GLRB: variants seen among roughly 807,000 people sequenced by gnomAD.
The protein encoded by GLRB is glycine receptor subunit beta.
In GLRB, 33 loss-of-function variants were observed where a neutral mutation model predicts 54.2. The observed-to-expected ratio is 0.61, with a 90% confidence interval of 0.46 to 0.81. The LOEUF (loss-of-function observed/expected upper bound fraction) is 0.81. Among genes scored for constraint, GLRB ranks in the 40% least tolerant of loss-of-function variants. GLRB has a pLI of 0.00. For missense variants in GLRB, 572 were observed against 584.6 expected, an observed-to-expected ratio of 0.98 and a Z score of 0.22; for synonymous variants, 209 against 208.2, an observed-to-expected ratio of 1.00 and a Z score of -0.03.
Position 157,170,797 on chromosome 4 carries a change from T to C in GLRB, c.*69T>C, listed in dbSNP as rs1737894775. The C allele has an allele frequency of 1.1e-6, 1 of 902,278 alleles. No homozygotes were observed. Among genetic ancestry groups the C allele is most frequent in the African/African-American group, 1.7e-5 (1 of 59,858 alleles). The allele number at this position is 902,278 out of a possible 1,614,324, so 55.9% of individuals were successfully genotyped here. ...GACCTACTCCTTTCATAAATGCCAA[T>C]CTGTGAGAACTTTTGAATTTTCATA... On this transcript the variant is annotated 3_prime_UTR_variant, in exon 10 of 10. Transcript: ENST00000264428.
intron 6 of GLRB, among the ~76,000 whole-genome samples, chr4:157,138,134 C>T (rs1229646281): frequency 1.3e-5 from 2 of 152,252 alleles, no homozygotes; most frequent in Non-Finnish European, 2.9e-5. Context: ...TACAGTGGTG[C>T]GATCTCAGCT....
intron 7 of GLRB, among the ~76,000 whole-genome samples, chr4:157,139,763 T>G (rs1425624551): frequency 6.6e-6 from 1 of 151,996 alleles, no homozygotes; most frequent in Non-Finnish European, 1.5e-5. Flanking sequence ...CCTTTGGAAG[T>G]AAATCATAAC....
chr4:157,112,105 T>C (rs1318032855), intron 2 of GLRB, among the ~76,000 whole-genome samples: 4 of 151,812 alleles, frequency 2.6e-5, no homozygotes, highest in African/African-American at 9.7e-5. Flanking sequence ...AACTCTCTTT[T>C]CAAACAAGTG....
chr4:157,076,808 G>C (rs934455445), intron 1 of GLRB, among the ~76,000 whole-genome samples: 4 of 151,948 alleles, frequency 2.6e-5, no homozygotes, highest in Non-Finnish European at 5.9e-5. Context: ...TGTCGGATGG[G>C]GGAAGGGAGC....
chr4:157,125,747 G>A (rs184011006), intron 4 of GLRB, among the ~76,000 whole-genome samples: 24 of 151,622 alleles, frequency 1.6e-4, no homozygotes, highest in East Asian at 9.8e-4. Context: ...CAGCCTGGCC[G>A]ACACTGTGAA....
chr4:157,105,217 C>T (rs1020323924), intron 2 of GLRB, among the ~76,000 whole-genome samples: 1 of 150,992 alleles, frequency 6.6e-6, no homozygotes, highest in Non-Finnish European at 1.5e-5. Context: ...TTTTTGCATC[C>T]CATGTTTTAG....
At chr4:157,135,629 T>G (rs1420628115) in intron 4 of GLRB, among the ~76,000 whole-genome samples, 1 of 152,124 alleles carries the variant, frequency 6.6e-6, no homozygotes, top group Non-Finnish European at 1.5e-5. Flanking sequence ...ATTTGAACTG[T>G]GAGTCAATTA....
intron 4 of GLRB, among the ~76,000 whole-genome samples, chr4:157,127,450 A>C (rs17035703): frequency 0.024 from 3,587 of 151,922 alleles, 58 homozygotes; most frequent in Non-Finnish European, 0.037. Context: ...TTCATGTCAT[A>C]ATCACCAGTA....
At chr4:157,117,179 C>G (rs1244460757) in intron 2 of GLRB, among the ~76,000 whole-genome samples, 2 of 151,680 alleles carry the variant, frequency 1.3e-5, no homozygotes, top group African/African-American at 4.8e-5. Flanking sequence ...AGGTAAAATA[C>G]ATATGCCCTA....
intron 6 of GLRB, among the ~76,000 whole-genome samples, chr4:157,137,999 C>T: frequency 6.6e-6 from 1 of 152,078 alleles, no homozygotes; most frequent in East Asian, 1.9e-4. Context: ...AATTATGTCC[C>T]TTTGAGGGAT....
chr4:157,088,430 T>G (rs989645633), intron 2 of GLRB, among the ~76,000 whole-genome samples: 1 of 152,184 alleles, frequency 6.6e-6, no homozygotes, highest in Non-Finnish European at 1.5e-5. Context: ...GAATCTTGGT[T>G]GATTTATTTT....
Position 157,170,457 on chromosome 4 carries a change from T to G in GLRB, c.1223T>G (p.Val408Gly). The change falls in exon 10 of 10, where the codon GTT (valine) becomes GGT (glycine). Residue 408 changes from valine (V) to glycine (G), a missense_variant. By Grantham distance (109) the Val-to-Gly change is moderately radical. Transcript: ENST00000264428. ...LQVGETRCKKVCTSKSDLRSN... is the reference protein window; with the variant it reads ...LQVGETRCKKGCTSKSDLRSN... ...GTTGGTGAGACCAGATGCAAAAAAG[T>G]TTGTACTTCTAAGTCTGATCTGAGA... is the stretch of plus-strand genomic sequence containing the variant. The G allele has an allele frequency of 3.1e-6, 5 of 1,607,378 alleles. No homozygotes were observed. The highest frequency in any genetic ancestry group is 4.3e-6 in the Non-Finnish European group (5 of 1,174,280).
Position 157,136,385 on chromosome 4 carries a change from G to A in GLRB, c.298-84G>A, listed in dbSNP as rs572433911. Reference sequence around the variant, plus strand: ...AAAAATATTTGTGCCACTAATCATTGTAACCCTTTTTGTTTTGGGGCCGAA... The same window carrying A: ...AAAAATATTTGTGCCACTAATCATTATAACCCTTTTTGTTTTGGGGCCGAA... On this transcript the variant is annotated intron_variant, in intron 4 of 9. Transcript: ENST00000264428. The A allele has an allele frequency of 1.0e-4, 82 of 786,296 alleles. No individual in the cohort carries two copies. The South Asian group carries it at 1.1e-3, about 11-fold the overall frequency. The allele number at this position is 786,296 out of a possible 1,614,324, so 48.7% of individuals were successfully genotyped here.
chr4:157,108,469 A>C (rs953542349), intron 2 of GLRB, among the ~76,000 whole-genome samples: 1 of 152,124 alleles, frequency 6.6e-6, no homozygotes, highest in Non-Finnish European at 1.5e-5. Flanking sequence ...GAGTAGTTCA[A>C]AACTTCAGTG....
chr4:157,167,394 G>A (rs947539343), intron 9 of GLRB, among the ~76,000 whole-genome samples: 5 of 152,182 alleles, frequency 3.3e-5, no homozygotes, highest in Non-Finnish European at 7.3e-5. Flanking sequence ...CTGGAAAACT[G>A]AAGATTAAAT....
intron 2 of GLRB, among the ~76,000 whole-genome samples, chr4:157,089,597 C>A (rs1734536853): frequency 6.6e-6 from 1 of 152,196 alleles, no homozygotes; most frequent in African/African-American, 2.4e-5. Flanking sequence ...ACCTCTCTGA[C>A]TACAGCTGAT....
intron 8 of GLRB, among the ~76,000 whole-genome samples, chr4:157,146,751 T>C (rs1736827607): frequency 6.6e-6 from 1 of 151,764 alleles, no homozygotes; most frequent in African/African-American, 2.4e-5. Flanking sequence ...AACCTGGGTC[T>C]CAGAGGTTGC....
intron 2 of GLRB, among the ~76,000 whole-genome samples, chr4:157,089,407 A>G (rs1734528288): frequency 6.6e-6 from 1 of 152,192 alleles, no homozygotes; most frequent in Admixed American, 6.5e-5. Flanking sequence ...CCTGTTTCAA[A>G]GAAATAAGTA....
At chr4:157,160,162 G>A (rs1370377735) in intron 9 of GLRB, among the ~76,000 whole-genome samples, 3 of 152,226 alleles carry the variant, frequency 2.0e-5, no homozygotes, top group Admixed American at 2.0e-4. Context: ...TTGTATTTCT[G>A]CGGGATCGGT....
Sources: allele counts gnomAD v4.1 joint callset (sites outside exome capture counted in the v4.1 genomes callset), GRCh38; gene constraint gnomAD v4.1.1; transcripts MANE v1.5; gene names NCBI Gene and HGNC (gene_info 2026-07-23, HGNC 2026-07-21).